GRID2: variants seen among roughly 807,000 people sequenced by gnomAD.
GRID2 encodes glutamate receptor ionotropic, delta-2.
A neutral mutation model predicts 114.8 loss-of-function variants in GRID2; 33 were observed. That is an observed-to-expected ratio of 0.29 (90% CI 0.22 to 0.38). The LOEUF is 0.38. GRID2 is among the 10% of genes least tolerant of loss of function. The pLI is 1.00. For synonymous variants in GRID2, 505 were observed against 449.9 expected, an observed-to-expected ratio of 1.12 and a Z score of -1.55; for missense variants, 1,184 against 1,257.7, an observed-to-expected ratio of 0.94 and a Z score of 0.89.
chr4:93,363,474 C>A (rs549333007), intron 8 of GRID2, among the ~76,000 whole-genome samples: 1 of 152,174 alleles, frequency 6.6e-6, no homozygotes, highest in East Asian at 1.9e-4. Flanking sequence ...ACATCCTAAG[C>A]AAAGACTGGA....
At chr4:93,067,080 G>A (rs568729322) in intron 2 of GRID2, among the ~76,000 whole-genome samples, 5 of 151,958 alleles carry the variant, frequency 3.3e-5, no homozygotes, top group Non-Finnish European at 7.4e-5. Context: ...GACCATGGTT[G>A]ACTCCAGGTA....
At chr4:92,314,481 A>C (rs1048484227) in intron 1 of GRID2, among the ~76,000 whole-genome samples, 1 of 152,030 alleles carries the variant, frequency 6.6e-6, no homozygotes, top group Non-Finnish European at 1.5e-5. Context: ...ACATTTTTTT[A>C]AAAAGTTTTT....
At chr4:92,912,316 G>A (rs1748448925) in intron 2 of GRID2, among the ~76,000 whole-genome samples, 1 of 151,780 alleles carries the variant, frequency 6.6e-6, no homozygotes. Flanking sequence ...ATGCCCTCAA[G>A]TCTGAAAGTG....
At chr4:92,403,722 A>G (rs1579304283) in intron 1 of GRID2, among the ~76,000 whole-genome samples, 1 of 150,746 alleles carries the variant, frequency 6.6e-6, no homozygotes, top group East Asian at 1.9e-4. Flanking sequence ...ATAAATAAAT[A>G]AATAAATAAA....
At chr4:93,433,360 G>C (rs1361444286) in intron 10 of GRID2, among the ~76,000 whole-genome samples, 1 of 152,108 alleles carries the variant, frequency 6.6e-6, no homozygotes, top group African/African-American at 2.4e-5. Flanking sequence ...GGTTTGTCTG[G>C]TGGAGGTGAT....
intron 2 of GRID2, among the ~76,000 whole-genome samples, chr4:92,622,141 G>A (rs1241661093): frequency 6.6e-6 from 1 of 151,680 alleles, no homozygotes. Context: ...GAGTCAATTA[G>A]AGATGATGGA....
At chr4:92,403,231 T>A (rs1270866278) in intron 1 of GRID2, among the ~76,000 whole-genome samples, 1 of 152,174 alleles carries the variant, frequency 6.6e-6, no homozygotes, top group African/African-American at 2.4e-5. Context: ...AGGAAGAAGC[T>A]TTTTTGCTTT....
intron 8 of GRID2, among the ~76,000 whole-genome samples, chr4:93,340,059 C>A (rs1759489208): frequency 6.6e-6 from 1 of 152,124 alleles, no homozygotes; most frequent in Admixed American, 6.6e-5. Flanking sequence ...CAAAGCCTAA[C>A]CACATCACCT....
intron 4 of GRID2, among the ~76,000 whole-genome samples, chr4:93,137,096 T>A (rs997603666): frequency 6.6e-5 from 10 of 152,144 alleles, no homozygotes; most frequent in African/African-American, 2.4e-4. Flanking sequence ...TAGTTTAAAA[T>A]TCTAAATGAT....
chr4:92,415,734 ATG>A (rs1285685766), intron 1 of GRID2, among the ~76,000 whole-genome samples: 1 of 40,980 alleles, frequency 2.4e-5, no homozygotes, highest in African/African-American at 8.7e-5. Flanking sequence ...GTGTGTGTGT[ATG>A]TGTGTATATA....
intron 14 of GRID2, among the ~76,000 whole-genome samples, chr4:93,645,498 C>T (rs765499174): frequency 6.6e-6 from 1 of 152,044 alleles, no homozygotes; most frequent in African/African-American, 2.4e-5. Flanking sequence ...ATGGAAAGGG[C>T]ATAGAGATAA....
At chr4:93,561,201 T>C (rs1333014518) in intron 13 of GRID2, among the ~76,000 whole-genome samples, 5 of 152,156 alleles carry the variant, frequency 3.3e-5, no homozygotes, top group Admixed American at 6.6e-5. Context: ...GAGTGCATGC[T>C]AGCTCATTAT....
intron 2 of GRID2, among the ~76,000 whole-genome samples, chr4:92,801,328 T>A (rs1740157815): frequency 6.6e-6 from 1 of 151,982 alleles, no homozygotes; most frequent in African/African-American, 2.4e-5. Flanking sequence ...GCTAAGTTTA[T>A]GGCATATTAA....
chr4:93,100,896 A>G (rs1311265885), intron 3 of GRID2, among the ~76,000 whole-genome samples: 1 of 152,090 alleles, frequency 6.6e-6, no homozygotes, highest in Non-Finnish European at 1.5e-5. Flanking sequence ...TATTTTATGT[A>G]TTCCAGAGAA....
At chr4:93,461,589 A>G (rs1484898496) in intron 11 of GRID2, among the ~76,000 whole-genome samples, 1 of 152,110 alleles carries the variant, frequency 6.6e-6, no homozygotes, top group Non-Finnish European at 1.5e-5. Flanking sequence ...AATATATGTG[A>G]GTTGTTTACT....
At chr4:93,209,984 A>G (rs1483293296) in intron 5 of GRID2, among the ~76,000 whole-genome samples, 1 of 152,048 alleles carries the variant, frequency 6.6e-6, no homozygotes, top group African/African-American at 2.4e-5. Flanking sequence ...AGTTTCTTGT[A>G]GAACTTAAGG....
chr4:93,796,637 G>C (rs1328302716), intron 1 of GRID2, among the ~76,000 whole-genome samples: 1 of 152,140 alleles, frequency 6.6e-6, no homozygotes, highest in Non-Finnish European at 1.5e-5. Flanking sequence ...TCCACCTCCC[G>C]AGTTCAGGTG....
At chr4:92,666,650 G>GTTTTTTTTTTTTTTTTTTTTTTTTT (rs70942922) in intron 2 of GRID2, among the ~76,000 whole-genome samples, 11 of 68,598 alleles carry the variant, frequency 1.6e-4, no homozygotes, top group East Asian at 1.2e-3. Flanking sequence ...CTTAAGGGTT[G>GTTTTTTTTTTTTTTTTTTTTTTTTT]TTTTTTTTTT....
At chr4:92,797,807 A>C (rs1739964101) in intron 2 of GRID2, among the ~76,000 whole-genome samples, 1 of 151,970 alleles carries the variant, frequency 6.6e-6, no homozygotes, top group Non-Finnish European at 1.5e-5. Flanking sequence ...GACTGGACCT[A>C]TGCAATTGAA....
Sources: gnomAD v4.1 joint callset for allele counts (sites outside exome capture counted in the v4.1 genomes callset) on GRCh38, gnomAD v4.1.1 for gene constraint, MANE v1.5 for transcripts, NCBI Gene and HGNC (gene_info 2026-07-23, HGNC 2026-07-21) for gene names.